Variants in RNF152 observed in about 807,000 individuals in gnomAD.
RNF152 encodes E3 ubiquitin-protein ligase RNF152.
In RNF152, 11 loss-of-function variants were observed where a neutral mutation model predicts 12.7. That is an observed-to-expected ratio of 0.86 (90% CI 0.54 to 1.43). The LOEUF is 1.43. Ranked by LOEUF, RNF152 falls within the 40% of genes most tolerant of loss-of-function variation. The pLI, the probability that RNF152 is intolerant of heterozygous loss-of-function variation, is 0.00. For synonymous variants in RNF152, 113 were observed against 120.3 expected (o/e 0.94, Z 0.40); for missense variants, 255 against 274.8 (o/e 0.93, Z 0.51).
At chr18:61,829,068 T>G (rs538829246) in intron 1 of RNF152, among the ~76,000 whole-genome samples, 2 of 152,012 alleles carry the variant, frequency 1.3e-5, no homozygotes, top group Non-Finnish European at 2.9e-5. Flanking sequence ...CCCAGGGTGG[T>G]TACGGGTAGG....
chr18:61,851,130 G>C (rs1910955745), intron 1 of RNF152, among the ~76,000 whole-genome samples: 1 of 151,202 alleles, frequency 6.6e-6, no homozygotes, highest in African/African-American at 2.4e-5. Context: ...ACTGTGGTTG[G>C]TGCAAATAAA....
intron 1 of RNF152, among the ~76,000 whole-genome samples, chr18:61,880,041 T>C (rs1912393497): frequency 6.6e-6 from 1 of 152,144 alleles, no homozygotes; most frequent in Non-Finnish European, 1.5e-5. Context: ...TCCCAGACTC[T>C]GACAGAATCT....
intron 1 of RNF152, among the ~76,000 whole-genome samples, chr18:61,824,944 TAGAC>T (rs1568265137): frequency 6.6e-6 from 1 of 151,956 alleles, no homozygotes; most frequent in African/African-American, 2.4e-5. Context: ...TGCTGACAGA[TAGAC>T]AGACAGGCAG....
chr18:61,821,647 C>T (rs973557617), intron 1 of RNF152, among the ~76,000 whole-genome samples: 20 of 152,166 alleles, frequency 1.3e-4, no homozygotes, highest in Admixed American at 3.3e-4. Flanking sequence ...GGGTCTCCAA[C>T]CCCCAGGCCA....
intron 1 of RNF152, among the ~76,000 whole-genome samples, chr18:61,858,354 G>A (rs1911316686): frequency 6.6e-6 from 1 of 151,368 alleles, no homozygotes; most frequent in South Asian, 2.1e-4. Flanking sequence ...CCTAGGATGA[G>A]GAATCTGTCC....
upstream of RNF152, chr18:61,893,140 A>T (rs889987912): frequency 1.3e-5 from 2 of 152,208 alleles, no homozygotes; most frequent in Non-Finnish European, 1.5e-5. Context: ...CCCGCCCACG[A>T]GTTCCCCTCT....
chr18:61,881,905 G>A (rs191668460), intron 1 of RNF152, among the ~76,000 whole-genome samples: 2 of 152,162 alleles, frequency 1.3e-5, no homozygotes, highest in Non-Finnish European at 2.9e-5. Flanking sequence ...AGTGTGGACT[G>A]CCTTGAGATG....
At chr18:61,857,284 A>C (rs988701625) in intron 1 of RNF152, among the ~76,000 whole-genome samples, 2 of 152,222 alleles carry the variant, frequency 1.3e-5, no homozygotes, top group African/African-American at 4.8e-5. Flanking sequence ...GTCCAAAGTC[A>C]ATTCATGTCA....
intron 1 of RNF152, among the ~76,000 whole-genome samples, chr18:61,842,941 G>T (rs940406138): frequency 1.3e-5 from 2 of 152,220 alleles, no homozygotes; most frequent in African/African-American, 4.8e-5. Flanking sequence ...GGAGCTACAA[G>T]ATGAGATTTG....
At chr18:61,851,612 G>GT in intron 1 of RNF152, among the ~76,000 whole-genome samples, 1 of 152,296 alleles carries the variant, frequency 6.6e-6, no homozygotes, top group South Asian at 2.1e-4. Context: ...CACACAGTAA[G>GT]TTTCAGAGCC....
chr18:61,825,345 ATTAAACAGAACCT>A (rs1348910642), intron 1 of RNF152, among the ~76,000 whole-genome samples: 2 of 152,214 alleles, frequency 1.3e-5, no homozygotes, highest in Non-Finnish European at 2.9e-5. Flanking sequence ...ATATATAGGG[ATTAAACAGAACCT>A]TTAAACAGAA....
intron 1 of RNF152, chr18:61,888,263 G>A (rs1912788562): frequency 6.6e-6 from 1 of 152,220 alleles, no homozygotes; most frequent in African/African-American, 2.4e-5. Flanking sequence ...GCAGGTCACA[G>A]ATACACTATT....
chr18:61,828,391 A>G (rs1268435823), intron 1 of RNF152, among the ~76,000 whole-genome samples: 1 of 152,164 alleles, frequency 6.6e-6, no homozygotes, highest in Non-Finnish European at 1.5e-5. Context: ...AGCTGGGACT[A>G]CAGATGCACA....
At chr18:61,841,859 T>C (rs1161952020) in intron 1 of RNF152, among the ~76,000 whole-genome samples, 1 of 152,206 alleles carries the variant, frequency 6.6e-6, no homozygotes, top group Non-Finnish European at 1.5e-5. Flanking sequence ...CAGGGACAGA[T>C]GGTAATATTT....
chr18:61,855,006 T>C (rs1483550769), intron 1 of RNF152, among the ~76,000 whole-genome samples: 1 of 152,216 alleles, frequency 6.6e-6, no homozygotes, highest in African/African-American at 2.4e-5. Flanking sequence ...TGTGGAAGAA[T>C]TCAAACAACC....
At chr18:61,876,376 A>G (rs796841029) in intron 1 of RNF152, among the ~76,000 whole-genome samples, 1 of 152,222 alleles carries the variant, frequency 6.6e-6, no homozygotes, top group African/African-American at 2.4e-5. Context: ...ACTTTCTGAC[A>G]TGGAAGCATT....
upstream of RNF152, chr18:61,893,254 AGGTAACCCG>A (rs886163220): frequency 1.5e-4 from 23 of 152,412 alleles, no homozygotes; most frequent in Admixed American, 3.3e-4. Flanking sequence ...AAAATCTACC[AGGTAACCCG>A]GTCATATGGG....
chr18:61,832,665 T>TA (rs1910002829), intron 1 of RNF152, among the ~76,000 whole-genome samples: 1 of 152,062 alleles, frequency 6.6e-6, no homozygotes, highest in Admixed American at 6.6e-5. Context: ...ACCTGTGAAC[T>TA]AAAAAAACAG....
intron 1 of RNF152, among the ~76,000 whole-genome samples, chr18:61,850,752 G>T (rs1443361837): frequency 1.3e-5 from 2 of 152,146 alleles, no homozygotes; most frequent in Non-Finnish European, 2.9e-5. Flanking sequence ...CAATTTTATG[G>T]TTTATCCAAA....
Sources: allele counts gnomAD v4.1 joint callset (sites outside exome capture counted in the v4.1 genomes callset), GRCh38; gene constraint gnomAD v4.1.1; transcripts MANE v1.5; gene names NCBI Gene and HGNC (gene_info 2026-07-23, HGNC 2026-07-21).